Variants in DPYD observed in about 807,000 individuals in gnomAD.
The protein encoded by DPYD is dihydropyrimidine dehydrogenase [NADP(+)].
DPYD carries 109 observed loss-of-function variants against 116.2 expected under a neutral mutation model. The observed-to-expected ratio is 0.94, with a 90% CI of 0.80 to 1.10. The LOEUF is 1.10. Ranked by LOEUF, DPYD falls within the 50% of genes least tolerant of loss-of-function variation. The pLI is 0.00. For synonymous variants in DPYD, 440 were observed against 432.0 expected, an observed-to-expected ratio of 1.02 and a Z score of -0.23; for missense variants, 1,302 against 1,254.5, an observed-to-expected ratio of 1.04 and a Z score of -0.57.
chr1:97,317,272 A>C (rs1472306562), intron 16 of DPYD, among the ~76,000 whole-genome samples: 1 of 152,040 alleles, frequency 6.6e-6, no homozygotes, highest in East Asian at 1.9e-4. Flanking sequence ...TATATGCAGA[A>C]ACAGGTCATG....
At chr1:97,485,825 C>G (rs1259348036) in intron 13 of DPYD, among the ~76,000 whole-genome samples, 2 of 152,268 alleles carry the variant, frequency 1.3e-5, no homozygotes, top group African/African-American at 4.8e-5. Context: ...AATTAGTACA[C>G]TCACTTTCTG....
chr1:97,512,262 G>A (rs1446802537), intron 13 of DPYD, among the ~76,000 whole-genome samples: 1 of 151,944 alleles, frequency 6.6e-6, no homozygotes, highest in East Asian at 1.9e-4. Context: ...AATATTTTCA[G>A]TCTTTACTTC....
chr1:97,600,117 C>G (rs1353955957), intron 8 of DPYD, among the ~76,000 whole-genome samples: 3 of 152,032 alleles, frequency 2.0e-5, no homozygotes, highest in Admixed American at 2.0e-4. Flanking sequence ...AACACCAATT[C>G]TTATTATTTC....
At chr1:97,209,101 A>G (rs1324597511) in intron 19 of DPYD, among the ~76,000 whole-genome samples, 3 of 152,154 alleles carry the variant, frequency 2.0e-5, no homozygotes, top group Non-Finnish European at 4.4e-5. Flanking sequence ...ATTTTGAGAC[A>G]AGGAAATGAC....
chr1:97,348,831 G>GGC (rs113759545), intron 16 of DPYD, among the ~76,000 whole-genome samples: 8,418 of 152,238 alleles, frequency 0.055, 278 homozygotes, highest in Middle Eastern at 0.13. Flanking sequence ...CAGAAGGTAT[G>GGC]AAGGGGAATA....
intron 18 of DPYD, among the ~76,000 whole-genome samples, chr1:97,293,334 G>A (rs969991168): frequency 6.6e-6 from 1 of 152,176 alleles, no homozygotes; most frequent in Non-Finnish European, 1.5e-5. Context: ...TGGAGAAGGG[G>A]CAGCTGAAGC....
intron 8 of DPYD, among the ~76,000 whole-genome samples, chr1:97,642,366 A>T (rs1158954566): frequency 6.6e-6 from 1 of 152,140 alleles, no homozygotes; most frequent in African/African-American, 2.4e-5. Context: ...AGTAACCAAA[A>T]CAGCATGGTA....
chr1:97,593,757 A>G (rs1654686864), intron 9 of DPYD, among the ~76,000 whole-genome samples: 1 of 152,140 alleles, frequency 6.6e-6, no homozygotes, highest in Admixed American at 6.6e-5. Context: ...AGTGATCCTT[A>G]TGATCTGTGT....
chr1:97,118,691 A>G lies in DPYD; in HGVS notation c.2623-20059T>C, dbSNP rs576060927. On this transcript the variant is annotated intron_variant, in intron 20 of 22. Transcript: ENST00000370192. ...ATTTTTTCTGCCAGATTCAAAAATT[A>G]ACTCTTATCTAAGGAATCAGTCACC... is the stretch of plus-strand genomic sequence containing the variant. 2.0e-5 allele frequency among the ~76,000 whole-genome samples: 3 copies of G among 152,328 alleles called. No homozygotes were observed. The South Asian group carries it at 6.2e-4, about 32-fold the overall frequency.
chr1:97,088,212 T>C (rs537676669), intron 21 of DPYD, among the ~76,000 whole-genome samples: 21 of 152,362 alleles, frequency 1.4e-4, no homozygotes, highest in African/African-American at 4.6e-4. Flanking sequence ...TTGTTTTCTC[T>C]GAACTTCCTG....
chr1:97,334,208 A>G (rs1346422115), intron 16 of DPYD, among the ~76,000 whole-genome samples: 2 of 152,174 alleles, frequency 1.3e-5, no homozygotes, highest in African/African-American at 4.8e-5. Context: ...ATTTCTTGTT[A>G]ATTTTTCAGT....
intron 12 of DPYD, among the ~76,000 whole-genome samples, chr1:97,520,600 T>C (rs1047714285): frequency 8.5e-5 from 13 of 152,246 alleles, no homozygotes; most frequent in Non-Finnish European, 4.4e-5. Flanking sequence ...ACATTAGGTA[T>C]TTCTCCTAAT....
rs1676064514 is a variant in DPYD at position 97,445,964 on chromosome 1, TG to T, written c.1905+4094del. ...CTGGTCACAAACTCCTGACCTCAAG[TG>T]ATCTGCCTGCTTTGGCCTCCCAAAG... On this transcript the variant is annotated intron_variant, in intron 14 of 22. Coordinates refer to ENST00000370192, the MANE Select transcript of DPYD (RefSeq NM_000110.4). 3.3e-5 allele frequency among the ~76,000 whole-genome samples: 5 copies of T among 152,240 alleles called. No individual in the cohort carries two copies. In the South Asian group the frequency reaches 1.0e-3, roughly 32 times the overall value.
chr1:97,649,821 G>A (rs1359603651), intron 8 of DPYD, among the ~76,000 whole-genome samples: 1 of 151,878 alleles, frequency 6.6e-6, no homozygotes, highest in South Asian at 2.1e-4. Context: ...AACAGAAACT[G>A]GGACACAGGC....
intron 20 of DPYD, among the ~76,000 whole-genome samples, chr1:97,158,681 C>T (rs995860278): frequency 3.3e-5 from 5 of 151,912 alleles, no homozygotes; most frequent in Admixed American, 2.6e-4. Context: ...AATTCGTCTT[C>T]TAACTGGCTG....
intron 18 of DPYD, among the ~76,000 whole-genome samples, chr1:97,235,710 T>C (rs1158544403): frequency 6.6e-6 from 1 of 152,156 alleles, no homozygotes; most frequent in Non-Finnish European, 1.5e-5. Context: ...GACATACAGC[T>C]ATGTTATGTT....
At chr1:97,669,491 G>A (rs955337363) in intron 8 of DPYD, among the ~76,000 whole-genome samples, 34 of 152,072 alleles carry the variant, frequency 2.2e-4, no homozygotes, top group African/African-American at 7.7e-4. Flanking sequence ...GCCATTCAAA[G>A]GCAAGATCTG....
At chr1:97,685,482 G>A (rs1264046354) in intron 7 of DPYD, among the ~76,000 whole-genome samples, 2 of 152,198 alleles carry the variant, frequency 1.3e-5, no homozygotes, top group African/African-American at 4.8e-5. Flanking sequence ...AGTATTGGAA[G>A]CTCTGGCCAG....
At chr1:97,430,003 GT>G (rs906114359) in intron 14 of DPYD, among the ~76,000 whole-genome samples, 1 of 152,038 alleles carries the variant, frequency 6.6e-6, no homozygotes, top group Admixed American at 6.6e-5. Context: ...TTAACCCTTA[GT>G]TTTTCCCTTG....
Sources: gnomAD v4.1 joint callset for allele counts (sites outside exome capture counted in the v4.1 genomes callset) on GRCh38, gnomAD v4.1.1 for gene constraint, MANE v1.5 for transcripts, NCBI Gene and HGNC (gene_info 2026-07-23, HGNC 2026-07-21) for gene names.